The following CA5A variants were observed in gnomAD, a reference collection of about 807,000 sequenced individuals.
CA5A encodes carbonic anhydrase 5A, mitochondrial.
Under a neutral mutation model 37.1 loss-of-function variants are expected in CA5A, and 28 were observed. The observed-to-expected ratio is 0.75, with a 90% CI of 0.56 to 1.03. The LOEUF is 1.03. CA5A is among the 50% of genes least tolerant of loss of function. CA5A has a pLI of 0.00. For missense variants in CA5A, 444 were observed against 399.9 expected (o/e 1.11, Z -0.94); for synonymous variants, 171 against 158.4 (o/e 1.08, Z -0.60).
chr16:87,883,061 C>T (rs765047950), downstream of CA5A: 1 of 152,290 alleles, frequency 6.6e-6, no homozygotes, highest in Non-Finnish European at 1.5e-5. Context: ...GCTCTGTCGC[C>T]CAGGCTGGAG....
At chr16:87,919,806 G>A (rs530877094) in intron 2 of CA5A, among the ~76,000 whole-genome samples, 8 of 152,308 alleles carry the variant, frequency 5.3e-5, no homozygotes, top group South Asian at 2.1e-4. Context: ...AGGGGGCAGC[G>A]GCGGGTGGGA....
intron 1 of CA5A, among the ~76,000 whole-genome samples, chr16:87,927,490 C>T (rs1455599682): frequency 6.6e-6 from 1 of 152,206 alleles, no homozygotes; most frequent in Non-Finnish European, 1.5e-5. Context: ...AGCAGAGTGG[C>T]AGCCCCTCTA....
chr16:87,890,485 C>A (rs1256878398), intron 6 of CA5A, among the ~76,000 whole-genome samples: 1 of 152,214 alleles, frequency 6.6e-6, no homozygotes, highest in African/African-American at 2.4e-5. Flanking sequence ...GCTGCGACTG[C>A]TGAGAAACGT....
chr16:87,936,245 G>A lies in CA5A; in HGVS notation c.142+64C>T, dbSNP rs58978470. The stretch of plus-strand genomic sequence containing the variant: ...GGGACGGTCTCTCCTCTCTCCTCTC[G>A]AAAGACCCCATCAGCTAAGACAAGG... On this transcript the variant is annotated intron_variant, in intron 1 of 6. Coordinates refer to ENST00000649794, the MANE Select transcript of CA5A (RefSeq NM_001739.2). The A allele has an allele frequency of 6.8e-3, 7,948 of 1,177,290 alleles. 308 individuals carry two copies. In the African/African-American group the frequency reaches 0.097, roughly 14 times the overall value. 72.9% of individuals were successfully genotyped at this position (1,177,290 alleles called of 1,614,324 possible).
At chr16:87,896,807 C>A in intron 5 of CA5A, among the ~76,000 whole-genome samples, 2 of 152,270 alleles carry the variant, frequency 1.3e-5, no homozygotes, top group South Asian at 4.1e-4. Context: ...CGCCTGGCTA[C>A]TTTTCTGTTT....
chr16:87,925,572 AC>A (rs2056293980), intron 2 of CA5A: 1 of 152,456 alleles, frequency 6.6e-6, no homozygotes, highest in African/African-American at 2.4e-5. Flanking sequence ...AAAGCAGCTT[AC>A]AGTGACACCA....
intron 1 of CA5A, among the ~76,000 whole-genome samples, chr16:87,929,749 G>A (rs1283762319): frequency 6.6e-6 from 1 of 151,680 alleles, no homozygotes; most frequent in Non-Finnish European, 1.5e-5. Context: ...GCGGGCGCCT[G>A]TAGTCCCAGC....
intron 2 of CA5A, chr16:87,924,387 T>G (rs1384087734): frequency 3.4e-6 from 3 of 885,038 alleles, no homozygotes; most frequent in Non-Finnish European, 4.1e-6. Context: ...GTGTTTGCGA[T>G]GCACTGTGTA....
At chr16:87,892,063 C>G (rs1333779431) in intron 5 of CA5A, 109 bp from the exon 6 acceptor site, 2 of 1,049,124 alleles carry the variant, frequency 1.9e-6, no homozygotes, top group Non-Finnish European at 2.7e-6. Context: ...AGTGCTTTCC[C>G]CCAGATAAGG....
At chr16:87,902,044 A>T (rs1271707100) in intron 4 of CA5A, 70 bp from the exon 5 acceptor site, 1 of 1,353,404 alleles carries the variant, frequency 7.4e-7, no homozygotes, top group East Asian at 2.3e-5. Context: ...CTCCACTGTA[A>T]ATACACCACG....
intron 2 of CA5A, among the ~76,000 whole-genome samples, chr16:87,917,680 G>T (rs930273369): frequency 1.6e-5 from 2 of 125,848 alleles, no homozygotes; most frequent in African/African-American, 6.6e-5. Flanking sequence ...CATGCACACA[G>T]TGCACAATGC....
chr16:87,888,262 A>G lies in CA5A; in HGVS notation c.785T>C (p.Phe262Ser). 6.2e-7 allele frequency: 1 copy of G among 1,613,286 alleles called. No individual in the cohort carries two copies. The highest frequency in any genetic ancestry group is 1.3e-5 in the African/African-American group (1 of 74,982). Residue 262 changes from phenylalanine to serine, a missense_variant, in exon 7 of 7, where the codon TTT becomes TCT. Coordinates refer to ENST00000649794, the MANE Select transcript of CA5A (RefSeq NM_001739.2). ...AAGTGCAGAAAACAGGAGAGTACGA[A>G]ATGCAGAGAGCTGGAATAGAGGGCA... Reference protein sequence around the residue: ...VEVAPSQLSAFRTLLFSALGE... With the variant: ...VEVAPSQLSASRTLLFSALGE...
At chr16:87,923,994 C>G in intron 2 of CA5A, 1 of 985,316 alleles carries the variant, frequency 1.0e-6, no homozygotes, top group South Asian at 4.7e-5. Flanking sequence ...ACTGAAAAGC[C>G]AATCTGAGTT....
chr16:87,912,246 G>A (rs1457994292), intron 2 of CA5A, among the ~76,000 whole-genome samples: 5 of 152,110 alleles, frequency 3.3e-5, no homozygotes, highest in African/African-American at 9.7e-5. Context: ...ATGTTGCAGT[G>A]AGCCGAGGTC....
chr16:87,918,836 G>A (rs1211583447), intron 2 of CA5A, among the ~76,000 whole-genome samples: 1 of 152,202 alleles, frequency 6.6e-6, no homozygotes, highest in Non-Finnish European at 1.5e-5. Flanking sequence ...CAATCCAGGT[G>A]AACAAAGAGG....
At chr16:87,925,337 G>T (rs2056290145) in intron 2 of CA5A, among the ~76,000 whole-genome samples, 1 of 152,194 alleles carries the variant, frequency 6.6e-6, no homozygotes, top group African/African-American at 2.4e-5. Flanking sequence ...AGGGCCCCAG[G>T]CAGGAGCTTC....
chr16:87,918,272 ATGAGC>A (rs1272437202), intron 2 of CA5A, among the ~76,000 whole-genome samples: 1 of 152,182 alleles, frequency 6.6e-6, no homozygotes, highest in Non-Finnish European at 1.5e-5. Context: ...CCTTTAGGGA[ATGAGC>A]TGAGCTGTCT....
intron 2 of CA5A, among the ~76,000 whole-genome samples, chr16:87,926,200 C>T (rs547687849): frequency 2.0e-5 from 3 of 151,822 alleles, no homozygotes; most frequent in Middle Eastern, 3.4e-3. Flanking sequence ...TCCTGAATGA[C>T]AGAGCAAGAC....
At chr16:87,923,917 A>G (rs892743056) in intron 2 of CA5A, 72 of 984,878 alleles carry the variant, frequency 7.3e-5, no homozygotes, top group Non-Finnish European at 8.7e-5. Context: ...TTCAGGAACT[A>G]TTTTTGGTTT....
Sources: gnomAD v4.1 joint callset for allele counts (sites outside exome capture counted in the v4.1 genomes callset) on GRCh38, gnomAD v4.1.1 for gene constraint, MANE v1.5 for transcripts, NCBI Gene and HGNC (gene_info 2026-07-23, HGNC 2026-07-21) for gene names.